PPP3CA: variants seen among roughly 807,000 people sequenced by gnomAD.
The protein encoded by PPP3CA is CAM-PRP catalytic subunit.
PPP3CA carries 14 observed loss-of-function variants against 66.5 expected under a neutral mutation model. The observed-to-expected ratio is 0.21, with a 90% confidence interval of 0.14 to 0.33. The LOEUF is 0.33. Ranked by LOEUF, PPP3CA falls within the 10% of genes least tolerant of loss-of-function variation. PPP3CA has a pLI of 1.00. For missense variants in PPP3CA, 317 were observed against 639.5 expected (o/e 0.50, Z 5.44); for synonymous variants, 232 against 226.2 (o/e 1.03, Z -0.23).
intron 1 of PPP3CA, among the ~76,000 whole-genome samples, chr4:101,296,013 A>AGTT (rs146507111): frequency 6.6e-6 from 1 of 152,078 alleles, no homozygotes; most frequent in African/African-American, 2.4e-5. Context: ...AATAAGCTGG[A>AGTT]GTTGTTGTTG....
intron 1 of PPP3CA, among the ~76,000 whole-genome samples, chr4:101,232,011 A>G (rs1342167344): frequency 1.3e-5 from 2 of 151,658 alleles, no homozygotes; most frequent in South Asian, 2.1e-4. Context: ...CATATTTTCT[A>G]TAAGATATAA....
intron 1 of PPP3CA, among the ~76,000 whole-genome samples, chr4:101,202,101 T>C (rs752832182): frequency 5.3e-5 from 8 of 152,240 alleles, no homozygotes; most frequent in East Asian, 3.9e-4. Context: ...AATATATAAG[T>C]AGTAAGAAAA....
chr4:101,189,865 G>A (rs1451733941), intron 2 of PPP3CA, among the ~76,000 whole-genome samples: 1 of 152,012 alleles, frequency 6.6e-6, no homozygotes, highest in Non-Finnish European at 1.5e-5. Flanking sequence ...CTCTGGATCA[G>A]TGAAAATTTT....
rs1399400422 is a variant in PPP3CA, at chr4:101,124,799, G to GAAAGAAAAAGAA, written c.260-15722_260-15721insTTCTTTTTCTTT. ...AGAAAGAAAGAAAGAAAGAAAGAAA[G>GAAAGAAAAAGAA]AGAAAACTGTATTGGTGTTGAGGAG... On this transcript the variant is annotated intron_variant, in intron 2 of 13. Transcript: ENST00000394854. 8.6e-4 allele frequency among the ~76,000 whole-genome samples: 86 copies of GAAAGAAAAAGAA among 100,372 alleles called. 2 individuals carry two copies. The highest frequency in any genetic ancestry group is 3.9e-3 in the African/African-American group (78 of 19,774). 65.8% of individuals were successfully genotyped at this position (100,372 alleles called of 152,430 possible).
intron 2 of PPP3CA, among the ~76,000 whole-genome samples, chr4:101,138,172 G>A (rs1261044451): frequency 1.3e-5 from 2 of 152,122 alleles, no homozygotes; most frequent in African/African-American, 2.4e-5. Flanking sequence ...AATACAAACT[G>A]GTTCTCTCTC....
intron 1 of PPP3CA, among the ~76,000 whole-genome samples, chr4:101,325,615 T>C (rs1488752276): frequency 1.3e-5 from 2 of 152,218 alleles, no homozygotes; most frequent in Non-Finnish European, 2.9e-5. Context: ...CAATAAATAT[T>C]AGTTATTGCA....
chr4:101,164,658 C>T (rs912996116), intron 2 of PPP3CA, among the ~76,000 whole-genome samples: 2 of 149,640 alleles, frequency 1.3e-5, no homozygotes, highest in Non-Finnish European at 3.0e-5. Flanking sequence ...TATGAAATAA[C>T]CATTGAGATC....
At chr4:101,169,807 C>A (rs1402067672) in intron 2 of PPP3CA, among the ~76,000 whole-genome samples, 5 of 151,642 alleles carry the variant, frequency 3.3e-5, no homozygotes, top group Non-Finnish European at 5.9e-5. Flanking sequence ...GAAGAGGCTT[C>A]AAAAAATGCT....
At chr4:101,087,826 G>A (rs1729737407) in intron 6 of PPP3CA, among the ~76,000 whole-genome samples, 1 of 152,074 alleles carries the variant, frequency 6.6e-6, no homozygotes, top group African/African-American at 2.4e-5. Context: ...TGAATAGCTT[G>A]GTAATATGAA....
At chr4:101,031,385 A>G (rs1726952004) in intron 12 of PPP3CA, among the ~76,000 whole-genome samples, 1 of 152,202 alleles carries the variant, frequency 6.6e-6, no homozygotes, top group African/African-American at 2.4e-5. Context: ...ATCTAATAGC[A>G]ATCTCCTATT....
intron 3 of PPP3CA, among the ~76,000 whole-genome samples, chr4:101,107,861 T>C (rs1340646061): frequency 1.3e-5 from 2 of 152,228 alleles, no homozygotes; most frequent in African/African-American, 4.8e-5. Context: ...GATTTCTCTC[T>C]TTAATTAAGA....
intron 1 of PPP3CA, among the ~76,000 whole-genome samples, chr4:101,280,832 A>C (rs1727658196): frequency 1.3e-5 from 2 of 151,840 alleles, no homozygotes; most frequent in African/African-American, 4.8e-5. Context: ...AAAAAAAAAA[A>C]AAAACTGGAA....
intron 1 of PPP3CA, among the ~76,000 whole-genome samples, chr4:101,326,675 C>T (rs1729218456): frequency 6.6e-6 from 1 of 152,166 alleles, no homozygotes; most frequent in Admixed American, 6.5e-5. Context: ...ATAAATGCAT[C>T]AAAATGTTTC....
At chr4:101,183,848 T>C (rs1724321398) in intron 2 of PPP3CA, among the ~76,000 whole-genome samples, 1 of 152,142 alleles carries the variant, frequency 6.6e-6, no homozygotes, top group African/African-American at 2.4e-5. Flanking sequence ...AACTCATCGC[T>C]CAACCCTACC....
chr4:101,300,811 T>C (rs571583002), intron 1 of PPP3CA, among the ~76,000 whole-genome samples: 29 of 152,252 alleles, frequency 1.9e-4, no homozygotes, highest in African/African-American at 6.7e-4. Context: ...TTTCATATAG[T>C]AGTCCTAAAT....
chr4:101,301,092 C>T (rs1728360303), intron 1 of PPP3CA, among the ~76,000 whole-genome samples: 1 of 152,056 alleles, frequency 6.6e-6, no homozygotes, highest in Admixed American at 6.6e-5. Context: ...TCATCTCAAA[C>T]ACCAAGACAG....
At chr4:101,176,069 C>T (rs533345798) in intron 2 of PPP3CA, among the ~76,000 whole-genome samples, 6 of 152,198 alleles carry the variant, frequency 3.9e-5, no homozygotes, top group South Asian at 4.1e-4. Context: ...ACAAACATCA[C>T]GCCTCTCAGG....
At chr4:101,332,625 G>A (rs1729425088) in intron 1 of PPP3CA, among the ~76,000 whole-genome samples, 1 of 152,326 alleles carries the variant, frequency 6.6e-6, no homozygotes, top group East Asian at 1.9e-4. Context: ...CAAAGGAGCT[G>A]TCCAGCAGCA....
intron 1 of PPP3CA, among the ~76,000 whole-genome samples, chr4:101,230,396 G>C (rs1182838251): frequency 3.3e-5 from 5 of 151,274 alleles, no homozygotes; most frequent in African/African-American, 1.2e-4. Flanking sequence ...ATCATCAATT[G>C]CATCTCAATT....
Sources: allele counts gnomAD v4.1 joint callset (sites outside exome capture counted in the v4.1 genomes callset), GRCh38; gene constraint gnomAD v4.1.1; transcripts MANE v1.5; gene names NCBI Gene and HGNC (gene_info 2026-07-23, HGNC 2026-07-21).